PLK4: variants seen among roughly 807,000 people sequenced by gnomAD.
PLK4 encodes the protein polo like kinase 4.
A neutral mutation model predicts 103.0 loss-of-function variants in PLK4; 51 were observed. That is an observed-to-expected ratio of 0.50 (90% CI 0.40 to 0.63). PLK4 has a LOEUF of 0.63. Among genes scored for constraint, PLK4 ranks in the 20% least tolerant of loss-of-function variants. The pLI is 0.00. For missense variants in PLK4, 1,054 were observed against 1,151.0 expected, an observed-to-expected ratio of 0.92 and a Z score of 1.22; for synonymous variants, 389 against 376.8, an observed-to-expected ratio of 1.03 and a Z score of -0.38.
chr4:127,896,766 G>C, intron 14 of PLK4, 35 bp from the exon 15 acceptor site: 1 of 1,031,884 alleles, frequency 9.7e-7, no homozygotes, highest in Non-Finnish European at 1.4e-6. Flanking sequence ...TTTTTTTTCT[G>C]TGCCTGTTCT....
Position 127,893,800 on chromosome 4 carries a change from A to G in PLK4, c.2481A>G (p.Pro827=), listed in dbSNP as rs748700170. The stretch of plus-strand genomic sequence containing the variant: ...CTCCTTCTGTGGATTCAAATTACCC[A>G]ACGAGAGAGAGAGCATCTTTCAACA... ...SPPPSVDSNY[P]TRERASFNRM... The change falls in exon 13 of 16, where the codon CCA becomes CCG. Residue 827 remains proline, a synonymous_variant. Transcript: ENST00000270861. The G allele has an allele frequency of 1.5e-5, 24 of 1,613,502 alleles. No individual in the cohort carries two copies. The South Asian group carries it at 2.4e-4, about 16-fold the overall frequency.
chr4:127,892,731 T>C, intron 10 of PLK4: 1 of 380,148 alleles, frequency 2.6e-6, no homozygotes, highest in Non-Finnish European at 4.7e-6. Context: ...TGTATATTAG[T>C]CCTCTTTTTC....
intron 4 of PLK4, among the ~76,000 whole-genome samples, chr4:127,884,420 GT>G (rs1294350075): frequency 1.3e-5 from 2 of 152,118 alleles, no homozygotes; most frequent in African/African-American, 4.8e-5. Context: ...ATTGTTGGAA[GT>G]TTATTCCAAA....
chr4:127,881,171 A>C lies in PLK4; in HGVS notation c.30+7A>C. The C allele has an allele frequency of 6.2e-7, 1 of 1,613,932 alleles. No individual in the cohort carries two copies. Among genetic ancestry groups the C allele is most frequent in the Non-Finnish European group, 8.5e-7 (1 of 1,180,010 alleles). On this transcript the variant is annotated splice_region_variant and intron_variant, in intron 1 of 15. Transcript: ENST00000270861. Reference sequence around the variant, plus strand: ...CATCGGGGAGAAGATCGAGGTGAAAAGACTCGGCAGTCTGCAGCGGGGCGG... The same window carrying C: ...CATCGGGGAGAAGATCGAGGTGAAACGACTCGGCAGTCTGCAGCGGGGCGG...
intron 13 of PLK4, among the ~76,000 whole-genome samples, chr4:127,894,504 A>AG: frequency 6.6e-6 from 1 of 152,340 alleles, no homozygotes; most frequent in Non-Finnish European, 1.5e-5. Flanking sequence ...CTGGGATTAC[A>AG]GGCGTGAGCC....
chr4:127,883,369 AT>A lies in PLK4; in HGVS notation c.222+16del, dbSNP rs1243034269. ...CTTCTATCTTGGAGGTAAGATATAA[AT>A]TTTGTAGAAGTGACCAAGGACACTG... On this transcript the variant is annotated intron_variant, in intron 3 of 15. Transcript: ENST00000270861. The A allele has an allele frequency of 1.3e-6, 2 of 1,525,094 alleles. No individual in the cohort carries two copies. The highest frequency in any genetic ancestry group is 1.8e-6 in the Non-Finnish European group (2 of 1,103,290). 94.5% of individuals were successfully genotyped at this position (1,525,094 alleles called of 1,614,324 possible). A position where few individuals can be genotyped will look rare whatever the true frequency, so the allele number is the denominator to read the frequency against.
intron 10 of PLK4, 173 bp from the exon 11 acceptor site, chr4:127,893,087 CCAGATATATGTTGGGAAAAAAATGG>C: frequency 2.4e-6 from 1 of 416,812 alleles, no homozygotes. Flanking sequence ...CAGGCTTAAA[CCAGATATATGTTGGGAAAAAAATGG>C]ATGATCCATA....
At chr4:127,894,892 G>T in intron 13 of PLK4, 61 bp from the exon 14 acceptor site, 1 of 1,118,808 alleles carries the variant, frequency 8.9e-7, no homozygotes, top group Non-Finnish European at 1.2e-6. Flanking sequence ...GTCTGCTTTT[G>T]CTGAATGTGG....
At chr4:127,895,452 C>CT (rs70966059) in intron 14 of PLK4, among the ~76,000 whole-genome samples, 13,673 of 65,256 alleles carry the variant, frequency 0.21, 4,114 homozygotes, top group Non-Finnish European at 0.24. Context: ...GAGTAACTTT[C>CT]TTTTTTTTTT....
intron 6 of PLK4, among the ~76,000 whole-genome samples, chr4:127,888,225 C>T (rs916289234): frequency 3.7e-5 from 4 of 108,300 alleles, no homozygotes; most frequent in African/African-American, 1.3e-4. Context: ...ATTTTCAGTA[C>T]GTCTCAATAA....
intron 2 of PLK4, 22 bp downstream of exon 2, chr4:127,881,948 T>C (rs1404612152): frequency 7.8e-7 from 1 of 1,289,982 alleles, no homozygotes; most frequent in Admixed American, 1.7e-5. Flanking sequence ...CTAATCAACT[T>C]CTCTCCTGTA....
chr4:127,885,371 C>T (rs1332788854), intron 4 of PLK4, among the ~76,000 whole-genome samples: 2 of 144,292 alleles, frequency 1.4e-5, no homozygotes, highest in Admixed American at 1.5e-4. Flanking sequence ...CCCAGCTACT[C>T]GGGAGGCTGA....
chr4:127,892,538 A>C, intron 10 of PLK4, 24 bp downstream of exon 10: 3 of 1,581,174 alleles, frequency 1.9e-6, no homozygotes, highest in Non-Finnish European at 2.6e-6. Flanking sequence ...GGAAATGGTA[A>C]TTTGTTCCTT....
chr4:127,893,605 G>T lies in PLK4; in HGVS notation c.2414+1G>T. 6.2e-7 allele frequency: 1 copy of T among 1,602,624 alleles called. No homozygotes were observed. Among genetic ancestry groups the T allele is most frequent in the Non-Finnish European group, 8.5e-7 (1 of 1,173,890 alleles). ...CCTTTTTCCCAATAATCATAGGAAGGTAAATGTCTGAAAATTTTAAACATA... is the reference window on the plus strand; with the variant it reads ...CCTTTTTCCCAATAATCATAGGAAGTTAAATGTCTGAAAATTTTAAACATA... On this transcript the variant is annotated splice_donor_variant, in intron 12 of 15. Transcript: ENST00000270861. LOFTEE classifies it high-confidence loss of function.
At chr4:127,895,180 T>C in intron 14 of PLK4, 87 bp downstream of exon 14, 1 of 886,074 alleles carries the variant, frequency 1.1e-6, no homozygotes, top group Non-Finnish European at 1.6e-6. Context: ...AAAATACAAA[T>C]TATTGTAATG....
At chr4:127,887,010 C>G (rs1320326124) in intron 5 of PLK4, among the ~76,000 whole-genome samples, 1 of 151,968 alleles carries the variant, frequency 6.6e-6, no homozygotes, top group Non-Finnish European at 1.5e-5. Flanking sequence ...CATGCCTTAC[C>G]CCCTAAAGTA....
chr4:127,895,479 T>C (rs964691093), intron 14 of PLK4, among the ~76,000 whole-genome samples: 4 of 145,284 alleles, frequency 2.8e-5, no homozygotes, highest in African/African-American at 1.0e-4. Context: ...TTTTTTTTTT[T>C]TGAGACAAAG....
At position 127,890,320 on chromosome 4, in the gene PLK4, A is replaced by G. The variant is rs1735307480; in HGVS notation, c.1830+84A>G. 4 of 1,115,958 alleles carry G rather than the reference A, an allele frequency of 3.6e-6. No homozygotes were observed. In the Admixed American group the frequency reaches 1.0e-4, roughly 29 times the overall value. The allele number at this position is 1,115,958 out of a possible 1,614,324, so 69.1% of individuals were successfully genotyped here. A position where few individuals can be genotyped will look rare whatever the true frequency, so the allele number is the denominator to read the frequency against. On this transcript the variant is annotated intron_variant, in intron 7 of 15. Coordinates refer to ENST00000270861, the MANE Select transcript of PLK4 (RefSeq NM_014264.5). ...GAGAACATATTTTTTAGTCCTCTGT[A>G]ATGTCCTTTTACTTTGGGGTGTATA...
intron 4 of PLK4, among the ~76,000 whole-genome samples, chr4:127,885,255 G>A (rs1413613893): frequency 1.3e-5 from 2 of 151,968 alleles, no homozygotes; most frequent in Non-Finnish European, 2.9e-5. Context: ...CGAGGTGGGT[G>A]GATCACGAGG....
Sources: gnomAD v4.1 joint callset for allele counts (sites outside exome capture counted in the v4.1 genomes callset) on GRCh38, gnomAD v4.1.1 for gene constraint, MANE v1.5 for transcripts, NCBI Gene and HGNC (gene_info 2026-07-23, HGNC 2026-07-21) for gene names.